The following CCNY variants were observed in gnomAD, a reference collection of about 807,000 sequenced individuals.
The protein encoded by CCNY is cyclin Y, also known as cyclin-Y.
A neutral mutation model predicts 42.8 loss-of-function variants in CCNY; 19 were observed. That is an observed-to-expected ratio of 0.44 (90% CI 0.31 to 0.65). The LOEUF is 0.65. Ranked by LOEUF, CCNY falls within the 30% of genes least tolerant of loss-of-function variation. CCNY has a pLI of 0.07. For synonymous variants in CCNY, 165 were observed against 162.7 expected (o/e 1.01, Z -0.11); for missense variants, 370 against 437.3 (o/e 0.85, Z 1.37).
At chr10:35,409,837 C>G (rs761055834) in intron 1 of CCNY, among the ~76,000 whole-genome samples, 2 of 152,112 alleles carry the variant, frequency 1.3e-5, no homozygotes, top group Non-Finnish European at 2.9e-5. Flanking sequence ...ACACTGCAGC[C>G]ATGAACTCCT....
In CCNY at chr10:35,558,647, A is replaced by T. The variant is rs557750575; in HGVS notation, c.746+5462A>T. 1.4e-4 allele frequency among the ~76,000 whole-genome samples: 22 copies of T among 152,348 alleles called. 1 individual carries two copies. In the South Asian group the frequency reaches 3.7e-3, roughly 26 times the overall value. On this transcript the variant is annotated intron_variant, in intron 8 of 9. Transcript: ENST00000374704. The stretch of plus-strand genomic sequence containing the variant: ...GGGTCATTAGGGTGGGCCCTAATCC[A>T]GTATGTCTGATGTCCTCATAAGAAG...
At chr10:35,288,419 G>T (rs976853684) in intron 3 of CCNY, among the ~76,000 whole-genome samples, 2 of 151,976 alleles carry the variant, frequency 1.3e-5, no homozygotes, top group African/African-American at 2.4e-5. Flanking sequence ...TGAATAATTT[G>T]TCATATATAT....
intron 3 of CCNY, chr10:35,327,674 T>C (rs1015786346): frequency 6.6e-6 from 1 of 152,228 alleles, no homozygotes; most frequent in Non-Finnish European, 1.5e-5. Context: ...CTCTCTTCTG[T>C]TGAGCACTGT....
intron 2 of CCNY, among the ~76,000 whole-genome samples, chr10:35,486,866 G>T (rs1324125753): frequency 6.6e-6 from 1 of 152,174 alleles, no homozygotes; most frequent in Non-Finnish European, 1.5e-5. Flanking sequence ...GGCTCCTCCT[G>T]CTGTCACTTC....
At chr10:35,394,755 AT>A (rs1368759463) in intron 1 of CCNY, 2 of 689,730 alleles carry the variant, frequency 2.9e-6, no homozygotes, top group Non-Finnish European at 3.6e-6. Context: ...CATGTTTTTC[AT>A]TCCTTACTTA....
At chr10:35,556,990 G>A (rs937995255) in intron 8 of CCNY, among the ~76,000 whole-genome samples, 10 of 151,832 alleles carry the variant, frequency 6.6e-5, no homozygotes, top group South Asian at 2.1e-4. Context: ...GATTACAGGC[G>A]CCCGCCATTA....
chr10:35,428,456 CAT>C (rs1838316969), intron 1 of CCNY, among the ~76,000 whole-genome samples: 1 of 152,146 alleles, frequency 6.6e-6, no homozygotes, highest in Non-Finnish European at 1.5e-5. Flanking sequence ...AGAGCGTGCA[CAT>C]GTGTGTGTGC....
chr10:35,455,815 TTTTTTTTTTTAA>T lies in CCNY; in HGVS notation c.155-27588_155-27577del, dbSNP rs1258855663. ...CCAAGGGATGCTTCCTTTTTTTTTTTTTTTTTTTTTAAAAAAAGAAAAAGACAGGGTCTCACT... is the reference window on the plus strand; with the variant it reads ...CCAAGGGATGCTTCCTTTTTTTTTTTAAAAAGAAAAAGACAGGGTCTCACT... On this transcript the variant is annotated intron_variant, in intron 1 of 9. Transcript: ENST00000374704. Among the ~76,000 whole-genome samples, 3 of 135,344 alleles carry T rather than the reference TTTTTTTTTTTAA, an allele frequency of 2.2e-5. No individual in the cohort carries two copies. In the East Asian group the frequency reaches 6.2e-4, roughly 28 times the overall value. The allele number at this position is 135,344 out of a possible 152,430, so 88.8% of individuals were successfully genotyped here. A position where few individuals can be genotyped will look rare whatever the true frequency, so the allele number is the denominator to read the frequency against.
Position 35,265,493 on chromosome 10 carries a change from T to G in CCNY, c.-9+14867T>G, listed in dbSNP as rs184000740. On this transcript the variant is annotated intron_variant, in intron 3 of 11. Coordinates refer to the CCNY transcript ENST00000374706. ...ATTTATTAAACTTCACTTTGCAACT[T>G]TGGTGCATAAATCAGTTACTTCTGT... is the stretch of plus-strand genomic sequence containing the variant. Among the ~76,000 whole-genome samples, 256 of 152,340 alleles carry G rather than the reference T, an allele frequency of 1.7e-3. 3 individuals carry two copies. The highest frequency in any genetic ancestry group is 5.8e-3 in the African/African-American group (242 of 41,580).
At chr10:35,531,733 G>A (rs1840774426) in intron 7 of CCNY, among the ~76,000 whole-genome samples, 1 of 152,198 alleles carries the variant, frequency 6.6e-6, no homozygotes, top group South Asian at 2.1e-4. Context: ...AAGTGGCGGG[G>A]ATTTTTTCTA....
intron 3 of CCNY, among the ~76,000 whole-genome samples, chr10:35,306,726 C>T (rs931122783): frequency 1.3e-5 from 2 of 152,100 alleles, no homozygotes; most frequent in African/African-American, 4.8e-5. Flanking sequence ...TTCTTTCTTT[C>T]CTCCTTCATT....
In CCNY at chr10:35,426,113, A is replaced by G. The variant is rs74135132; in HGVS notation, c.155-57291A>G. The stretch of plus-strand genomic sequence containing the variant: ...CTCCCTTCACTGGTCCAGCACGCGC[A>G]CACACACACACACACACACACACAC... On this transcript the variant is annotated intron_variant, in intron 1 of 9. Transcript: ENST00000374704. 6.7e-3 allele frequency among the ~76,000 whole-genome samples: 280 copies of G among 41,838 alleles called. 3 individuals are homozygous for G. The highest frequency in any genetic ancestry group is 0.027 in the African/African-American group (212 of 7,718). The allele number at this position is 41,838 out of a possible 152,430, so 27.4% of individuals were successfully genotyped here. A position where few individuals can be genotyped will look rare whatever the true frequency, so the allele number is the denominator to read the frequency against.
At chr10:35,477,863 T>C (rs369824761) in intron 1 of CCNY, among the ~76,000 whole-genome samples, 6,661 of 149,604 alleles carry the variant, frequency 0.045, 269 homozygotes, top group African/African-American at 0.14. Flanking sequence ...TGTTTGCAGA[T>C]GACATGATTG....
chr10:35,321,762 T>A (rs1297051271), intron 3 of CCNY, among the ~76,000 whole-genome samples: 1 of 152,130 alleles, frequency 6.6e-6, no homozygotes, highest in Non-Finnish European at 1.5e-5. Context: ...TGCAAAAAAT[T>A]TTTGAAAAAG....
chr10:35,249,660 T>A (rs572293462), intron 2 of CCNY, among the ~76,000 whole-genome samples: 1 of 152,334 alleles, frequency 6.6e-6, no homozygotes, highest in South Asian at 2.1e-4. Flanking sequence ...ATGAAGAGAA[T>A]AGCAAGATAG....
At chr10:35,315,281 A>C (rs1222127863) in intron 3 of CCNY, 1 of 152,014 alleles carries the variant, frequency 6.6e-6, no homozygotes, top group Admixed American at 6.6e-5. Flanking sequence ...TCCCTCAAGG[A>C]GGCTTCAGTG....
At chr10:35,342,999 C>T (rs1232852651) in intron 1 of CCNY, among the ~76,000 whole-genome samples, 3 of 145,622 alleles carry the variant, frequency 2.1e-5, no homozygotes, top group African/African-American at 7.6e-5. Context: ...TTCCTGCCTG[C>T]CTTTTTTTTT....
At chr10:35,365,355 A>C (rs1359776288) in intron 1 of CCNY, among the ~76,000 whole-genome samples, 1 of 152,218 alleles carries the variant, frequency 6.6e-6, no homozygotes. Flanking sequence ...TGCTGTTTTT[A>C]CTGCAGTATT....
chr10:35,300,015 A>G (rs1294889991), intron 3 of CCNY, among the ~76,000 whole-genome samples: 10 of 152,242 alleles, frequency 6.6e-5, no homozygotes, highest in African/African-American at 2.2e-4. Flanking sequence ...GTAAGTTTTC[A>G]GAACAGTATC....
Sources: gnomAD v4.1 joint callset for allele counts (sites outside exome capture counted in the v4.1 genomes callset) on GRCh38, gnomAD v4.1.1 for gene constraint, MANE v1.5 for transcripts, NCBI Gene and HGNC (gene_info 2026-07-23, HGNC 2026-07-21) for gene names.